The following PLCE1 variants were observed in gnomAD, a reference collection of about 807,000 sequenced individuals.
PLCE1 encodes 1-phosphatidylinositol 4,5-bisphosphate phosphodiesterase epsilon-1.
In PLCE1, 119 loss-of-function variants were observed where a neutral mutation model predicts 242.8. The ratio of observed to expected loss-of-function variants is 0.49; its 90% CI spans 0.42 to 0.57. The LOEUF (loss-of-function observed/expected upper bound fraction) is 0.57. Among genes scored for constraint, PLCE1 ranks in the 20% least tolerant of loss-of-function variants. The pLI is 0.00. For missense variants in PLCE1, 2,441 were observed against 2,788.8 expected (o/e 0.88, Z 2.81); for synonymous variants, 945 against 1,017.4 (o/e 0.93, Z 1.35).
Position 94,028,830 on chromosome 10 carries a change from A to C in PLCE1, c.-364-1853A>C, listed in dbSNP as rs74550193. On this transcript the variant is annotated intron_variant, in intron 1 of 32. Transcript: ENST00000371380. ...CAAGCGCAGTGCTATAGTCTCAGCT[A>C]CTTGGGAGGCTGAGGTGGGAGGATC... Among the ~76,000 whole-genome samples, 97 of 152,208 alleles carry C rather than the reference A, an allele frequency of 6.4e-4. 1 individual carries two copies. The highest frequency in any genetic ancestry group is 2.3e-3 in the African/African-American group (97 of 41,556).
At chr10:94,315,860 A>AAAAC (rs2053554486) in intron 28 of PLCE1, among the ~76,000 whole-genome samples, 1 of 152,142 alleles carries the variant, frequency 6.6e-6, no homozygotes, top group Admixed American at 6.5e-5. Flanking sequence ...CTTCAACCAT[A>AAAAC]AAACAAAATT....
chr10:93,997,481 A>G (rs1010484094), intron 1 of PLCE1, among the ~76,000 whole-genome samples: 1 of 152,142 alleles, frequency 6.6e-6, no homozygotes, highest in African/African-American at 2.4e-5. Context: ...AACTGAAGCA[A>G]CGAAAGGTCA....
intron 4 of PLCE1, among the ~76,000 whole-genome samples, chr10:94,224,750 CAGTCTCT>C (rs2049881718): frequency 6.6e-6 from 1 of 152,232 alleles, no homozygotes; most frequent in Admixed American, 6.5e-5. Context: ...ACCAATGACT[CAGTCTCT>C]GTTAGCAAAA....
intron 4 of PLCE1, among the ~76,000 whole-genome samples, chr10:94,197,376 CT>C (rs2048852768): frequency 6.6e-6 from 1 of 152,132 alleles, no homozygotes; most frequent in African/African-American, 2.4e-5. Flanking sequence ...GGTCATACAA[CT>C]CAATGTTTAG....
In PLCE1 at chr10:94,304,601, G is replaced by C. The variant is rs2053142089; in HGVS notation, c.5578G>C (p.Glu1860Gln). Reference protein sequence around the residue: ...CPMYQKFSPLERDLDSMDPAV... With the variant: ...CPMYQKFSPLQRDLDSMDPAV... ...CATGTATCAGAAGTTTTCTCCACTAGAAAGAGATCTGGACAGCATGGATCC... is the reference window on the plus strand; with the variant it reads ...CATGTATCAGAAGTTTTCTCCACTACAAAGAGATCTGGACAGCATGGATCC... Residue 1860 changes from glutamate (E) to glutamine (Q), a missense_variant, in exon 25 of 33, where the codon GAA (glutamate) becomes CAA (glutamine). By Grantham distance (29) the Glu-to-Gln change is conservative. Coordinates refer to ENST00000371380, the MANE Select transcript of PLCE1 (RefSeq NM_016341.4). 6.2e-7 allele frequency: 1 copy of C among 1,613,976 alleles called. No homozygotes were observed. The highest frequency in any genetic ancestry group is 1.3e-5 in the African/African-American group (1 of 74,920).
chr10:94,158,657 T>C (rs888487914), intron 3 of PLCE1, among the ~76,000 whole-genome samples: 3 of 152,100 alleles, frequency 2.0e-5, no homozygotes, highest in Non-Finnish European at 4.4e-5. Context: ...GAAAATCTAA[T>C]ATTCAAAGAA....
At chr10:94,154,023 C>A (rs2047352264) in intron 3 of PLCE1, among the ~76,000 whole-genome samples, 2 of 152,004 alleles carry the variant, frequency 1.3e-5, no homozygotes, top group Non-Finnish European at 2.9e-5. Flanking sequence ...GAATAGGGAA[C>A]CCAGAATAGC....
intron 2 of PLCE1, among the ~76,000 whole-genome samples, chr10:94,078,527 A>T (rs1173635012): frequency 6.6e-6 from 1 of 151,630 alleles, no homozygotes. Flanking sequence ...TCGCTCTGTC[A>T]CCTAGGCTGG....
intron 4 of PLCE1, among the ~76,000 whole-genome samples, chr10:94,182,718 A>G (rs573130827): frequency 5.9e-5 from 9 of 152,226 alleles, no homozygotes; most frequent in African/African-American, 2.2e-4. Flanking sequence ...TTTTATTACT[A>G]TAATAGGCTA....
intron 2 of PLCE1, among the ~76,000 whole-genome samples, chr10:94,036,748 G>A (rs529142790): frequency 6.6e-6 from 1 of 152,232 alleles, no homozygotes; most frequent in South Asian, 2.1e-4. Flanking sequence ...GAATTTTGAG[G>A]AGTTTAGATA....
intron 1 of PLCE1, among the ~76,000 whole-genome samples, chr10:94,029,795 G>T (rs1043800336): frequency 1.3e-5 from 2 of 152,150 alleles, no homozygotes; most frequent in Non-Finnish European, 2.9e-5. Context: ...GCAAAGGCAA[G>T]GCAAAGCTGG....
At chr10:94,212,033 G>C (rs1003437845) in intron 4 of PLCE1, among the ~76,000 whole-genome samples, 1 of 152,050 alleles carries the variant, frequency 6.6e-6, no homozygotes, top group Admixed American at 6.6e-5. Flanking sequence ...AAGGTTTATC[G>C]TGCATATTAG....
intron 4 of PLCE1, among the ~76,000 whole-genome samples, chr10:94,189,704 C>A (rs2048599634): frequency 6.6e-6 from 1 of 152,080 alleles, no homozygotes; most frequent in Non-Finnish European, 1.5e-5. Context: ...AAGAAAGAGT[C>A]CCAGTAATTC....
At chr10:94,043,681 A>G (rs553093085) in intron 2 of PLCE1, among the ~76,000 whole-genome samples, 1 of 152,324 alleles carries the variant, frequency 6.6e-6, no homozygotes, top group South Asian at 2.1e-4. Context: ...TGAGTTCTAA[A>G]TTGTTTAATA....
intron 2 of PLCE1, among the ~76,000 whole-genome samples, chr10:94,124,937 A>G: frequency 6.6e-6 from 1 of 152,210 alleles, no homozygotes. Flanking sequence ...CTTTGTAAAG[A>G]TTTTATGCCA....
chr10:94,313,325 G>A lies in PLCE1; in HGVS notation c.6075G>A (p.Glu2025=). The part of the protein sequence containing the change: ...RVTVHGVPGP[E]PFTVFTINGG... ...CGGTGCATGGGGTCCCAGGGCCAGAGCCCTTTACCGTTTTCACTATTAATG... is the reference window on the plus strand; with the variant it reads ...CGGTGCATGGGGTCCCAGGGCCAGAACCCTTTACCGTTTTCACTATTAATG... Residue 2025 remains glutamate (E), a synonymous_variant, in exon 28 of 33, where the codon GAG becomes GAA. Coordinates refer to ENST00000371380, the MANE Select transcript of PLCE1 (RefSeq NM_016341.4). 1 of 1,614,170 alleles carries A rather than the reference G, an allele frequency of 6.2e-7. No homozygotes were observed. Among genetic ancestry groups the A allele is most frequent in the Admixed American group, 1.7e-5 (1 of 60,032 alleles).
intron 2 of PLCE1, among the ~76,000 whole-genome samples, chr10:94,080,687 G>T (rs1173792615): frequency 6.6e-6 from 1 of 152,088 alleles, no homozygotes; most frequent in Non-Finnish European, 1.5e-5. Context: ...TCCATTGTAG[G>T]CCCAGCCTGC....
chr10:94,063,640 A>G (rs1291258620), intron 2 of PLCE1, among the ~76,000 whole-genome samples: 1 of 152,174 alleles, frequency 6.6e-6, no homozygotes, highest in Non-Finnish European at 1.5e-5. Flanking sequence ...CACTGGGAGT[A>G]CAGTGGCAAA....
chr10:94,083,990 A>G lies in PLCE1; in HGVS notation c.1207-48184A>G, dbSNP rs572897970. 3.9e-5 allele frequency among the ~76,000 whole-genome samples: 6 copies of G among 152,328 alleles called. No individual in the cohort carries two copies. The South Asian group carries it at 1.2e-3, about 32-fold the overall frequency. On this transcript the variant is annotated intron_variant, in intron 2 of 32. Coordinates refer to ENST00000371380, the MANE Select transcript of PLCE1 (RefSeq NM_016341.4). ...ATAATAGAACCTTCCACATAGTATTATTGGGAGGATTAAAGGAGGCTATCA... is the reference window on the plus strand; with the variant it reads ...ATAATAGAACCTTCCACATAGTATTGTTGGGAGGATTAAAGGAGGCTATCA...
Sources: allele counts gnomAD v4.1 joint callset (sites outside exome capture counted in the v4.1 genomes callset), GRCh38; gene constraint gnomAD v4.1.1; transcripts MANE v1.5; gene names NCBI Gene and HGNC (gene_info 2026-07-23, HGNC 2026-07-21).